CNTNAP2: variants seen among roughly 807,000 people sequenced by gnomAD.
The protein encoded by CNTNAP2 is contactin associated protein 2.
Under a neutral mutation model 155.2 loss-of-function variants are expected in CNTNAP2, and 98 were observed. The ratio of observed to expected loss-of-function variants is 0.63; its 90% CI spans 0.54 to 0.75. CNTNAP2 has a LOEUF of 0.75. Among genes scored for constraint, CNTNAP2 ranks in the 30% least tolerant of loss-of-function variants. The pLI is 0.00. For missense variants in CNTNAP2, 1,727 were observed against 1,688.1 expected, an observed-to-expected ratio of 1.02 and a Z score of -0.40; for synonymous variants, 651 against 631.2, an observed-to-expected ratio of 1.03 and a Z score of -0.47.
At chr7:147,728,379 T>C (rs1485880615) in intron 13 of CNTNAP2, among the ~76,000 whole-genome samples, 1 of 152,086 alleles carries the variant, frequency 6.6e-6, no homozygotes, top group Non-Finnish European at 1.5e-5. Context: ...TCATATATTA[T>C]TTTGGAAAAA....
At chr7:148,405,446 T>TTTTTTTTTTTTTTTTTTTGG (rs1799678093) in intron 22 of CNTNAP2, among the ~76,000 whole-genome samples, 2 of 70,072 alleles carry the variant, frequency 2.9e-5, no homozygotes, top group African/African-American at 7.3e-5. Flanking sequence ...TTTTTTTTTT[T>TTTTTTTTTTTTTTTTTTTGG]GAGACGGAGT....
At chr7:146,382,858 T>A (rs1343646526) in intron 1 of CNTNAP2, among the ~76,000 whole-genome samples, 1 of 151,872 alleles carries the variant, frequency 6.6e-6, no homozygotes, top group Non-Finnish European at 1.5e-5. Flanking sequence ...ATCAGAAAAA[T>A]TATTTTTAAA....
chr7:147,988,757 T>A (rs1801663571), intron 15 of CNTNAP2, among the ~76,000 whole-genome samples: 1 of 152,208 alleles, frequency 6.6e-6, no homozygotes, highest in African/African-American at 2.4e-5. Context: ...TGAATCCCCG[T>A]AATTTGGTTT....
intron 8 of CNTNAP2, among the ~76,000 whole-genome samples, chr7:147,148,389 C>CAAAA (rs5888239): frequency 1.2e-5 from 1 of 81,702 alleles, no homozygotes; most frequent in Non-Finnish European, 2.4e-5. Flanking sequence ...GACTCCGTCT[C>CAAAA]AAAAAAAAAA....
chr7:147,087,277 TG>T (rs1800298114), intron 4 of CNTNAP2, among the ~76,000 whole-genome samples: 1 of 152,168 alleles, frequency 6.6e-6, no homozygotes, highest in African/African-American at 2.4e-5. Flanking sequence ...CTTTGCAATG[TG>T]TCTCTTAACA....
At chr7:148,289,814 A>G (rs1238219320) in intron 21 of CNTNAP2, among the ~76,000 whole-genome samples, 1 of 152,228 alleles carries the variant, frequency 6.6e-6, no homozygotes, top group East Asian at 1.9e-4. Flanking sequence ...TGGGGGAGGC[A>G]GCAACAGAGA....
intron 1 of CNTNAP2, among the ~76,000 whole-genome samples, chr7:146,336,658 A>C (rs762397148): frequency 6.6e-5 from 10 of 152,194 alleles, no homozygotes; most frequent in Non-Finnish European, 1.5e-4. Flanking sequence ...TTCTATTTTT[A>C]ACGGCCCTAA....
At chr7:147,569,899 G>A (rs1346041651) in intron 12 of CNTNAP2, among the ~76,000 whole-genome samples, 1 of 152,206 alleles carries the variant, frequency 6.6e-6, no homozygotes, top group Non-Finnish European at 1.5e-5. Flanking sequence ...AGAGACTTGG[G>A]ATCTTCTTGG....
At chr7:146,643,981 A>G (rs895356865) in intron 1 of CNTNAP2, among the ~76,000 whole-genome samples, 68 of 152,168 alleles carry the variant, frequency 4.5e-4, no homozygotes, top group African/African-American at 1.5e-3. Context: ...TTGGTGTATA[A>G]GAAAGCTTGT....
intron 1 of CNTNAP2, among the ~76,000 whole-genome samples, chr7:146,188,261 T>A (rs1213679630): frequency 6.6e-6 from 1 of 152,182 alleles, no homozygotes; most frequent in Non-Finnish European, 1.5e-5. Flanking sequence ...TGAGTGAGAT[T>A]TGAAACAGTA....
intron 1 of CNTNAP2, among the ~76,000 whole-genome samples, chr7:146,467,027 A>G (rs2129125854): frequency 6.6e-6 from 1 of 152,294 alleles, no homozygotes; most frequent in East Asian, 1.9e-4. Flanking sequence ...TTCTAAGTAC[A>G]AAGTGGTATC....
At chr7:146,644,036 G>C (rs547631823) in intron 1 of CNTNAP2, among the ~76,000 whole-genome samples, 24 of 152,286 alleles carry the variant, frequency 1.6e-4, no homozygotes, top group African/African-American at 5.8e-4. Flanking sequence ...TGCTGAAGTT[G>C]CTTATCAGTT....
intron 1 of CNTNAP2, among the ~76,000 whole-genome samples, chr7:146,509,121 G>A (rs143003051): frequency 2.2e-4 from 33 of 152,270 alleles, no homozygotes; most frequent in Non-Finnish European, 4.0e-4. Context: ...TCTGGCCCTC[G>A]GGTATTCGGA....
chr7:146,721,350 TA>T (rs1801304291), intron 1 of CNTNAP2, among the ~76,000 whole-genome samples: 2 of 126,824 alleles, frequency 1.6e-5, no homozygotes, highest in African/African-American at 3.0e-5. Context: ...ATTCTATATA[TA>T]CATTCTATAT....
chr7:146,378,599 A>C (rs1048804618), intron 1 of CNTNAP2, among the ~76,000 whole-genome samples: 1 of 152,198 alleles, frequency 6.6e-6, no homozygotes, highest in African/African-American at 2.4e-5. Context: ...AGATCAACCA[A>C]TTTATACATC....
intron 17 of CNTNAP2, among the ~76,000 whole-genome samples, chr7:148,149,052 TA>T (rs1805248465): frequency 6.6e-6 from 1 of 152,216 alleles, no homozygotes; most frequent in Non-Finnish European, 1.5e-5. Flanking sequence ...CCAGATTAGC[TA>T]GGACAAGTTT....
At chr7:147,970,195 G>A (rs1237966619) in intron 14 of CNTNAP2, among the ~76,000 whole-genome samples, 1 of 152,000 alleles carries the variant, frequency 6.6e-6, no homozygotes. Flanking sequence ...ACAAGCATGA[G>A]ACACCATGCC....
At chr7:147,398,727 T>C (rs1387015276) in intron 10 of CNTNAP2, among the ~76,000 whole-genome samples, 1 of 145,510 alleles carries the variant, frequency 6.9e-6, no homozygotes, top group Non-Finnish European at 1.5e-5. Flanking sequence ...TCAGTATTTA[T>C]TTTCTGAGTG....
chr7:146,309,148 T>C (rs1800774711), intron 1 of CNTNAP2, among the ~76,000 whole-genome samples: 1 of 152,270 alleles, frequency 6.6e-6, no homozygotes, highest in African/African-American at 2.4e-5. Context: ...ATTGTTTTGG[T>C]TAAAGTAATT....
Sources: allele counts gnomAD v4.1 joint callset (sites outside exome capture counted in the v4.1 genomes callset), GRCh38; gene constraint gnomAD v4.1.1; transcripts MANE v1.5; gene names NCBI Gene and HGNC (gene_info 2026-07-23, HGNC 2026-07-21).